Variants in CPSF6 observed in about 807,000 individuals in gnomAD.
CPSF6 encodes the protein cleavage and polyadenylation specific factor 6.
CPSF6 carries 10 observed loss-of-function variants against 56.7 expected under a neutral mutation model. The ratio of observed to expected loss-of-function variants is 0.18; its 90% CI spans 0.11 to 0.30. The LOEUF (loss-of-function observed/expected upper bound fraction) is 0.30. CPSF6 is among the 10% of genes least tolerant of loss of function. The pLI is 1.00. For synonymous variants in CPSF6, 248 were observed against 244.8 expected, an observed-to-expected ratio of 1.01 and a Z score of -0.12; for missense variants, 419 against 722.9, an observed-to-expected ratio of 0.58 and a Z score of 4.82.
intron 1 of CPSF6, among the ~76,000 whole-genome samples, chr12:69,245,242 T>C (rs996683955): frequency 1.3e-5 from 2 of 152,216 alleles, no homozygotes; most frequent in Non-Finnish European, 2.9e-5. Flanking sequence ...CACAGTAGGT[T>C]TGTTCACACC....
At position 69,271,271 on chromosome 12, in the gene CPSF6, A is replaced by G. The variant is rs141158187; in HGVS notation, c.*1763A>G. On this transcript the variant is annotated 3_prime_UTR_variant, in exon 10 of 10. Transcript: ENST00000435070. ...TTAACATTATTTTAGAGTTGTATCA[A>G]AATTTTCCTGTTTTCTGTATATTGT... 572 of 152,254 alleles carry G rather than the reference A, an allele frequency of 3.8e-3. 1 individual carries two copies. The highest frequency in any genetic ancestry group is 0.012 in the African/African-American group (507 of 41,526). The allele number at this position is 152,254 out of a possible 1,614,324, so 9.4% of individuals were successfully genotyped here.
Position 69,260,204 on chromosome 12 carries a change from C to CT in CPSF6, c.1469+10dup, listed in dbSNP as rs773995892. ...CTTATGGTTCTGGATCAAGGTAAAA[C>CT]TTTCCTGTCTCATTTCCATTTAAAA... On this transcript the variant is annotated splice_region_variant and intron_variant, in intron 8 of 9. Coordinates refer to ENST00000435070, the MANE Select transcript of CPSF6 (RefSeq NM_007007.3). 5.7e-5 allele frequency: 88 copies of CT among 1,555,194 alleles called. No individual in the cohort carries two copies. The South Asian group carries it at 6.2e-4, about 11-fold the overall frequency.
At chr12:69,252,159 CA>C (rs1161236952) in intron 2 of CPSF6, 1 of 450,816 alleles carries the variant, frequency 2.2e-6, no homozygotes, top group Admixed American at 2.4e-5. Flanking sequence ...ACTGAAGCCT[CA>C]AACTCCTGGG....
At chr12:69,264,941 A>C (rs1287885137) in intron 9 of CPSF6, among the ~76,000 whole-genome samples, 1 of 152,186 alleles carries the variant, frequency 6.6e-6, no homozygotes, top group Non-Finnish European at 1.5e-5. Context: ...GCTAAAGTGA[A>C]TGTCACTAGT....
At chr12:69,263,883 T>A (rs1188810772) in intron 9 of CPSF6, among the ~76,000 whole-genome samples, 2 of 152,078 alleles carry the variant, frequency 1.3e-5, no homozygotes, top group African/African-American at 2.4e-5. Context: ...AATATGCAGA[T>A]TGAATATCAA....
chr12:69,261,076 A>G (rs1317596981), intron 8 of CPSF6, among the ~76,000 whole-genome samples: 6 of 152,148 alleles, frequency 3.9e-5, no homozygotes, highest in Admixed American at 1.3e-4. Flanking sequence ...GAAATTTTAT[A>G]TATTTTTGAA....
intron 1 of CPSF6, among the ~76,000 whole-genome samples, chr12:69,242,348 A>G (rs948654669): frequency 6.6e-6 from 1 of 152,022 alleles, no homozygotes; most frequent in Admixed American, 6.6e-5. Context: ...TCATACTTTT[A>G]TGAAGCTTTT....
At chr12:69,252,127 T>G (rs993647999) in intron 2 of CPSF6, 1 of 454,152 alleles carries the variant, frequency 2.2e-6, no homozygotes, top group African/African-American at 2.0e-5. Flanking sequence ...CAGGCTGGAG[T>G]GCAGTGGTGT....
In CPSF6 at chr12:69,272,241, AC is replaced by A. The variant is rs1485128939; in HGVS notation, c.*2735del. ...GTTTAGCCCATTTAATGGTCCTTTT[AC>A]CTAGAATGTTCTTAAGCAGTTAATG... On this transcript the variant is annotated 3_prime_UTR_variant, in exon 10 of 10. Transcript: ENST00000435070. 6.7e-6 allele frequency: 1 copy of A among 149,906 alleles called. No individual in the cohort carries two copies. The highest frequency in any genetic ancestry group is 1.5e-5 in the Non-Finnish European group (1 of 67,244). The allele number at this position is 149,906 out of a possible 1,614,324, so 9.3% of individuals were successfully genotyped here. A position where few individuals can be genotyped will look rare whatever the true frequency, so the allele number is the denominator to read the frequency against.
chr12:69,267,268 A>T lies in CPSF6; in HGVS notation c.*4-2244A>T, dbSNP rs530757501. The stretch of plus-strand genomic sequence containing the variant: ...AAATGTGCATAGATAAATTTCTAAC[A>T]GAAACAGTTATAATTTGAGTTGTTA... On this transcript the variant is annotated intron_variant, in intron 9 of 9. Transcript: ENST00000435070. Among the ~76,000 whole-genome samples the T allele has an allele frequency of 2.2e-4, 33 of 152,186 alleles. 1 individual carries two copies. The South Asian group carries it at 6.8e-3, about 32-fold the overall frequency.
chr12:69,265,459 T>C (rs530058228), intron 9 of CPSF6, among the ~76,000 whole-genome samples: 2 of 152,194 alleles, frequency 1.3e-5, no homozygotes, highest in African/African-American at 4.8e-5. Flanking sequence ...AACCAAATTA[T>C]GTTTTTTTAA....
At chr12:69,260,292 C>G (rs1872689109) in intron 8 of CPSF6, 95 bp downstream of exon 8, 1 of 939,342 alleles carries the variant, frequency 1.1e-6, no homozygotes, top group Non-Finnish European at 1.5e-6. Flanking sequence ...TTTGCTTTTA[C>G]TTACTGATTA....
At chr12:69,252,312 G>A (rs1872289015) in intron 2 of CPSF6, 1 of 295,006 alleles carries the variant, frequency 3.4e-6, no homozygotes, top group Non-Finnish European at 6.7e-6. Context: ...TCAAATTCCT[G>A]GCCTCAAGTG....
intron 3 of CPSF6, among the ~76,000 whole-genome samples, chr12:69,255,658 C>G (rs1872472117): frequency 6.6e-6 from 1 of 152,156 alleles, no homozygotes; most frequent in South Asian, 2.1e-4. Context: ...TCTCCTGTCT[C>G]AGCCTCCCAG....
chr12:69,244,382 C>G (rs1242144319), intron 1 of CPSF6, among the ~76,000 whole-genome samples: 1 of 152,050 alleles, frequency 6.6e-6, no homozygotes, highest in Non-Finnish European at 1.5e-5. Context: ...CACCACCATG[C>G]CTGCCTAATT....
rs1216959431 is a variant in CPSF6 at position 69,258,602 on chromosome 12, C to T, written c.707C>T (p.Pro236Leu). Residue 236 changes from proline (P) to leucine (L), a missense_variant, in exon 6 of 10, where the codon CCA (proline) becomes CTA (leucine). Pro to Leu is a moderately conservative substitution (Grantham distance 98). Around this residue, in one of 4 missense-constraint regions of CPSF6, gnomAD observed 211 missense variants for 296.0 expected, o/e 0.71. Transcript: ENST00000435070. This position sits in a 1 kb window ranked among gnomAD's most constrained non-coding sequence, Gnocchi z 4.2. The stretch of plus-strand genomic sequence containing the variant: ...CTTTGTTTTTTAGCTGGACAGACTC[C>T]ACCACGTCCACCCTTAGGTCCTCCA... The part of the protein sequence containing the change: ...PPPPFPAGQT[P>L]PRPPLGPPGP... 1 of 1,608,672 alleles carries T rather than the reference C, an allele frequency of 6.2e-7. No individual in the cohort carries two copies. The highest frequency in any genetic ancestry group is 1.1e-5 in the South Asian group (1 of 90,618).
At chr12:69,265,548 G>A (rs1401769553) in intron 9 of CPSF6, among the ~76,000 whole-genome samples, 1 of 149,972 alleles carries the variant, frequency 6.7e-6, no homozygotes. Context: ...CAATTTTTAA[G>A]CATTGGGTAT....
rs779896231 is a variant in CPSF6, at chr12:69,256,785, G to C, written c.463G>C (p.Val155Leu). ...AAGAGAACTTCATGGTCAGAATCCT[G>C]TTGTAACTCCATGCAATAAACAGTT... ...PKRELHGQNP[V>L]VTPCNKQFLS... Residue 155 changes from valine to leucine, a missense_variant, in exon 4 of 10, where the codon GTT becomes CTT. Physicochemically the swap from Val to Leu is conservative, Grantham distance 32. Around this residue, in one of 4 missense-constraint regions of CPSF6, gnomAD observed 125 missense variants for 216.4 expected, o/e 0.58. Coordinates refer to ENST00000435070, the MANE Select transcript of CPSF6 (RefSeq NM_007007.3). 6.2e-7 allele frequency: 1 copy of C among 1,613,868 alleles called. No homozygotes were observed. Among genetic ancestry groups the C allele is most frequent in the East Asian group, 2.2e-5 (1 of 44,864 alleles).
chr12:69,256,002 C>T (rs908249628), intron 3 of CPSF6, among the ~76,000 whole-genome samples: 1 of 152,166 alleles, frequency 6.6e-6, no homozygotes, highest in African/African-American at 2.4e-5. Flanking sequence ...CTGATGGATA[C>T]ATTTCTTTTA....
Sources: gnomAD v4.1 joint callset for allele counts (sites outside exome capture counted in the v4.1 genomes callset) on GRCh38, gnomAD v4.1.1 for gene constraint, gnomAD v4.1.1 regional missense constraint, Gnocchi (gnomAD v3.1) non-coding constraint, MANE v1.5 for transcripts, NCBI Gene and HGNC (gene_info 2026-07-23, HGNC 2026-07-21) for gene names.